Variants in NPR2 observed in about 807,000 individuals in gnomAD.
NPR2 encodes atrial natriuretic peptide receptor 2.
In NPR2, 49 loss-of-function variants were observed where a neutral mutation model predicts 120.7. The ratio of observed to expected loss-of-function variants is 0.41; its 90% CI spans 0.32 to 0.52. The LOEUF (loss-of-function observed/expected upper bound fraction) is 0.52, where lower values mean the gene tolerates loss of function less well. Ranked by LOEUF, NPR2 falls within the 20% of genes least tolerant of loss-of-function variation. The probability of loss-of-function intolerance (pLI) is 0.36; values close to 1 mark genes in which losing one functional copy is unlikely to be tolerated. For synonymous variants in NPR2, 484 were observed against 519.8 expected, an observed-to-expected ratio of 0.93 and a Z score of 0.94; for missense variants, 931 against 1,362.9, an observed-to-expected ratio of 0.68 and a Z score of 4.99.
rs899551740 is a variant in NPR2, at chr9:35,806,833, AC to A, written c.2520-183del. On this transcript the variant is annotated intron_variant, in intron 16 of 21. Transcript: ENST00000342694. The surrounding 1 kb of genome is among the most constrained non-coding windows in gnomAD (Gnocchi z 4.6). ...TCCCATGCACAGGGATTCCCCTCAA[AC>A]CCCCCCGCCACTTGTGTGCCTTACC... 1.3e-4 allele frequency among the ~76,000 whole-genome samples: 20 copies of A among 151,306 alleles called. No homozygotes were observed. The highest frequency in any genetic ancestry group is 2.5e-4 in the Non-Finnish European group (17 of 67,682).
chr9:35,808,638 C>T lies in NPR2; in HGVS notation c.2842C>T (p.His948Tyr). Residue 948 changes from histidine to tyrosine, a missense_variant, in exon 19 of 22, where the codon CAC (histidine) becomes TAC (tyrosine). His to Tyr is a moderately conservative substitution (Grantham distance 83, BLOSUM62 2). Coordinates refer to ENST00000342694, the MANE Select transcript of NPR2 (RefSeq NM_003995.4). The surrounding 1 kb of genome is among the most constrained non-coding windows in gnomAD (Gnocchi z 4.0). ...TGCAGTTTCTTCCTTTCGCATCCGC[C>T]ACCGACCCCATGACCAGCTGAGGCT... ...LDAVSSFRIR[H>Y]RPHDQLRLRI... 6.2e-7 allele frequency: 1 copy of T among 1,614,192 alleles called. No individual in the cohort carries two copies. The highest frequency in any genetic ancestry group is 8.5e-7 in the Non-Finnish European group (1 of 1,180,032).
At chr9:35,796,682 A>G (rs1827954035) in intron 2 of NPR2, among the ~76,000 whole-genome samples, 1 of 152,228 alleles carries the variant, frequency 6.6e-6, no homozygotes, top group Non-Finnish European at 1.5e-5. Context: ...CTTTGCTGCA[A>G]CACAAGAGAA....
At position 35,800,267 on chromosome 9, in the gene NPR2, T is replaced by C. The variant is rs527909368; in HGVS notation, c.1123+110T>C. On this transcript the variant is annotated intron_variant, in intron 4 of 21. Coordinates refer to ENST00000342694, the MANE Select transcript of NPR2 (RefSeq NM_003995.4). This position sits in a 1 kb window ranked among gnomAD's most constrained non-coding sequence, Gnocchi z 4.7. The stretch of plus-strand genomic sequence containing the variant: ...CAGCTTTAGTGGGGGTTAGTGAATA[T>C]GGCAGAGTTGCCCACACCTCAAGAT... 95 of 1,400,680 alleles carry C rather than the reference T, an allele frequency of 6.8e-5. No homozygotes were observed. In the East Asian group the frequency reaches 1.3e-3, roughly 18 times the overall value. The allele number at this position is 1,400,680 out of a possible 1,614,324, so 86.8% of individuals were successfully genotyped here. A position where few individuals can be genotyped will look rare whatever the true frequency, so the allele number is the denominator to read the frequency against.
rs1828231560 is a variant in NPR2, at chr9:35,802,954, C to G, written c.1887+151C>G. 5.8e-6 allele frequency: 4 copies of G among 693,206 alleles called. No individual in the cohort carries two copies. Among genetic ancestry groups the G allele is most frequent in the Non-Finnish European group, 1.1e-5 (4 of 379,238 alleles). 42.9% of individuals were successfully genotyped at this position (693,206 alleles called of 1,614,324 possible). On this transcript the variant is annotated intron_variant, in intron 12 of 21. Coordinates refer to ENST00000342694, the MANE Select transcript of NPR2 (RefSeq NM_003995.4). This position sits in a 1 kb window ranked among gnomAD's most constrained non-coding sequence, Gnocchi z 4.2. ...TGGTAATAATGGGTAAACAAGGAGTCTGGGGCTTATAACTGGGACAGTGAG... is the reference window on the plus strand; with the variant it reads ...TGGTAATAATGGGTAAACAAGGAGTGTGGGGCTTATAACTGGGACAGTGAG...
chr9:35,801,182 C>T (rs759678495), intron 7 of NPR2, 28 bp downstream of exon 7: 6 of 1,534,622 alleles, frequency 3.9e-6, no homozygotes, highest in Non-Finnish European at 5.4e-6. Context: ...TGCTGACCTA[C>T]TCCCTGCCCC....
chr9:35,809,417 A>G lies in NPR2; in HGVS notation c.3116A>G (p.Glu1039Gly). 1 of 1,614,114 alleles carries G rather than the reference A, an allele frequency of 6.2e-7. No homozygotes were observed. The highest frequency in any genetic ancestry group is 8.5e-7 in the Non-Finnish European group (1 of 1,180,026). ...GKMRTYWLLG[E>G]RKGPPGLL ...ATGCGAACATACTGGCTCTTAGGAG[A>G]GCGGAAAGGACCTCCTGGACTCCTG... is the stretch of plus-strand genomic sequence containing the variant. Residue 1039 changes from glutamate (E) to glycine (G), a missense_variant, in exon 22 of 22, where the codon GAG (glutamate) becomes GGG (glycine). By Grantham distance (98) the Glu-to-Gly change is moderately conservative. Around this residue, in one of 3 missense-constraint regions of NPR2, gnomAD observed 184 missense variants for 328.3 expected, o/e 0.56. Coordinates refer to ENST00000342694, the MANE Select transcript of NPR2 (RefSeq NM_003995.4). This position sits in a 1 kb window ranked among gnomAD's most constrained non-coding sequence, Gnocchi z 4.1.
At chr9:35,796,068 A>G (rs1326315992) in intron 2 of NPR2, among the ~76,000 whole-genome samples, 3 of 152,270 alleles carry the variant, frequency 2.0e-5, no homozygotes, top group South Asian at 4.1e-4. Context: ...TTACTAAAAC[A>G]TAAAGAGGAA....
intron 2 of NPR2, 121 bp from the exon 3 acceptor site, chr9:35,799,497 G>T (rs1168757763): frequency 1.3e-6 from 1 of 755,734 alleles, no homozygotes. Flanking sequence ...AAAGCCTTCA[G>T]ACTCACCTGT....
chr9:35,806,315 C>A lies in NPR2; in HGVS notation c.2373-77C>A. 2 of 1,608,768 alleles carry A rather than the reference C, an allele frequency of 1.2e-6. No individual in the cohort carries two copies. The highest frequency in any genetic ancestry group is 1.7e-6 in the Non-Finnish European group (2 of 1,175,392). ...GTGCATGAAGTGGGGCAGGTGGGACCAGAGGGTGGGTTGGATAGGAAGTCC... is the reference window on the plus strand; with the variant it reads ...GTGCATGAAGTGGGGCAGGTGGGACAAGAGGGTGGGTTGGATAGGAAGTCC... On this transcript the variant is annotated intron_variant, in intron 15 of 21. Coordinates refer to ENST00000342694, the MANE Select transcript of NPR2 (RefSeq NM_003995.4). This position sits in a 1 kb window ranked among gnomAD's most constrained non-coding sequence, Gnocchi z 4.6.
Position 35,807,512 on chromosome 9 carries a change from G to A in NPR2, c.2712+114G>A. ...CACCCCATGATCAGTTTTCCCTCCA[G>A]GGTACTCAGCATCCTGGTGCTGGAG... On this transcript the variant is annotated intron_variant, in intron 18 of 21. Transcript: ENST00000342694. The A allele has an allele frequency of 5.8e-6, 5 of 859,596 alleles. No individual in the cohort carries two copies. The Admixed American group carries it at 8.6e-5, about 15-fold the overall frequency. The allele number at this position is 859,596 out of a possible 1,614,324, so 53.2% of individuals were successfully genotyped here. A position where few individuals can be genotyped will look rare whatever the true frequency, so the allele number is the denominator to read the frequency against.
chr9:35,802,566 A>T lies in NPR2; in HGVS notation c.1774A>T (p.Ile592Phe), dbSNP rs557573284. 6.2e-7 allele frequency: 1 copy of T among 1,607,986 alleles called. No individual in the cohort carries two copies. Among genetic ancestry groups the T allele is most frequent in the Non-Finnish European group, 8.5e-7 (1 of 1,174,532 alleles). ...TGGCGCCTGCATAGACCCTCCCAACATTTGCATTGTCACTGAATACTGTCC... is the reference window on the plus strand; with the variant it reads ...TGGCGCCTGCATAGACCCTCCCAACTTTTGCATTGTCACTGAATACTGTCC... ...FIGACIDPPN[I>F]CIVTEYCPRG... Residue 592 changes from isoleucine to phenylalanine, a missense_variant, in exon 11 of 22, where the codon ATT becomes TTT. Transcript: ENST00000342694. The surrounding 1 kb of genome is among the most constrained non-coding windows in gnomAD (Gnocchi z 4.2).
rs772725792 is a variant in NPR2, at chr9:35,800,104, C to T, written c.1070C>T (p.Thr357Ile). 3.3e-5 allele frequency: 54 copies of T among 1,613,776 alleles called. No individual in the cohort carries two copies. The highest frequency in any genetic ancestry group is 3.4e-6 in the Non-Finnish European group (4 of 1,179,842). Residue 357 changes from threonine (T) to isoleucine (I), a missense_variant, in exon 4 of 22, where the codon ACC becomes ATC. Physicochemically the swap from Thr to Ile is moderately conservative, Grantham distance 89. Transcript: ENST00000342694. The surrounding 1 kb of genome is among the most constrained non-coding windows in gnomAD (Gnocchi z 4.7). Reference protein sequence around the residue: ...VLNETIQEGGTREDGLRIVEK... With the variant: ...VLNETIQEGGIREDGLRIVEK... ...AATGAGACAATACAGGAAGGAGGCA[C>T]CCGGGAGGATGGACTTCGAATTGTG...
In NPR2 at chr9:35,792,880, G is replaced by A. The variant is rs780448567; in HGVS notation, c.472G>A (p.Gly158Arg). The change falls in exon 1 of 22, where the codon GGG (glycine) becomes AGG (arginine). Residue 158 changes from glycine to arginine, a missense_variant. By Grantham distance (125) the Gly-to-Arg change is moderately radical (BLOSUM62 -2). Transcript: ENST00000342694. ...GGGTGAGTTTGTGGTGACACTACAC[G>A]GGCACTTCAATTGGACTGCCCGTGC... ...KLGEFVVTLH[G>R]HFNWTARAAL... is the part of the protein sequence containing the mutation. 4 of 1,614,068 alleles carry A rather than the reference G, an allele frequency of 2.5e-6. No homozygotes were observed. The highest frequency in any genetic ancestry group is 2.2e-5 in the East Asian group (1 of 44,872).
chr9:35,792,956 C>T lies in NPR2; in HGVS notation c.548C>T (p.Thr183Ile). ...ACAGATGACCGGCCTCACTACTTCA[C>T]CATCGAGGGCGTCTTTGAGGCCCTG... Reference protein sequence around the residue: ...ARTDDRPHYFTIEGVFEALQG... With the variant: ...ARTDDRPHYFIIEGVFEALQG... The change falls in exon 1 of 22, where the codon ACC becomes ATC. Residue 183 changes from threonine (T) to isoleucine (I), a missense_variant. Thr to Ile is a moderately conservative substitution (Grantham distance 89). Coordinates refer to ENST00000342694, the MANE Select transcript of NPR2 (RefSeq NM_003995.4). The T allele has an allele frequency of 6.2e-7, 1 of 1,614,000 alleles. No homozygotes were observed. Among genetic ancestry groups the T allele is most frequent in the East Asian group, 2.2e-5 (1 of 44,878 alleles).
chr9:35,800,869 C>G lies in NPR2; in HGVS notation c.1351+28C>G. On this transcript the variant is annotated intron_variant, in intron 6 of 21. Coordinates refer to ENST00000342694, the MANE Select transcript of NPR2 (RefSeq NM_003995.4). The surrounding 1 kb of genome is among the most constrained non-coding windows in gnomAD (Gnocchi z 4.7). The stretch of plus-strand genomic sequence containing the variant: ...GGGTGTGTGCAGGGACTGGGAGCAG[C>G]TTTCCTCCCTTTGCTTTCCATTCAT... The G allele has an allele frequency of 6.2e-7, 1 of 1,614,088 alleles. No homozygotes were observed.
At chr9:35,796,715 G>T (rs1275440015) in intron 2 of NPR2, among the ~76,000 whole-genome samples, 1 of 152,222 alleles carries the variant, frequency 6.6e-6, no homozygotes, top group Non-Finnish European at 1.5e-5. Context: ...CCAGGAATAT[G>T]CTGATGGGAA....
rs770653282 is a variant in NPR2 at position 35,807,059 on chromosome 9, A to G, written c.2556A>G (p.Val852=). ...VAEQLKRGET[V]QAEAFDSVTI... is the part of the protein sequence containing the mutation. ...AGCAGTTAAAACGGGGAGAGACTGT[A>G]CAGGCTGAGGCCTTTGACAGTGTTA... is the stretch of plus-strand genomic sequence containing the variant. The change falls in exon 17 of 22, where the codon GTA becomes GTG. Residue 852 remains valine (V), a synonymous_variant. Transcript: ENST00000342694. 5 of 1,613,724 alleles carry G rather than the reference A, an allele frequency of 3.1e-6. No individual in the cohort carries two copies. In the South Asian group the frequency reaches 4.4e-5, roughly 14 times the overall value.
At chr9:35,796,818 T>TGG (rs756028634) in intron 2 of NPR2, among the ~76,000 whole-genome samples, 2 of 152,116 alleles carry the variant, frequency 1.3e-5, no homozygotes, top group Non-Finnish European at 2.9e-5. Context: ...TGAGGGAAGT[T>TGG]GGGCAGTTAG....
rs1334474254 is a variant in NPR2 at position 35,792,069 on chromosome 9, C to G, written c.-340C>G. 6.0e-6 allele frequency: 1 copy of G among 165,674 alleles called. No individual in the cohort carries two copies. Among genetic ancestry groups the G allele is most frequent in the Non-Finnish European group, 1.3e-5 (1 of 78,054 alleles). 10.3% of individuals were successfully genotyped at this position (165,674 alleles called of 1,614,324 possible). ...CCCACCCCATCCCAGTCCCAGATCC[C>G]CTTTTCCTTCTCAGCTTTAGATTTA... is the stretch of plus-strand genomic sequence containing the variant. On this transcript the variant is annotated 5_prime_UTR_variant, in exon 1 of 22. Coordinates refer to ENST00000342694, the MANE Select transcript of NPR2 (RefSeq NM_003995.4).
Sources: allele counts gnomAD v4.1 joint callset (sites outside exome capture counted in the v4.1 genomes callset), GRCh38; gene constraint gnomAD v4.1.1; regional missense constraint gnomAD v4.1.1; non-coding constraint Gnocchi (gnomAD v3.1); transcripts MANE v1.5; gene names NCBI Gene and HGNC (gene_info 2026-07-23, HGNC 2026-07-21).